The following TRPV3 variants were observed in gnomAD, a reference collection of about 807,000 sequenced individuals.
TRPV3 encodes the protein VRL-3.
In TRPV3, 88 loss-of-function variants were observed where a neutral mutation model predicts 87.1. The ratio of observed to expected loss-of-function variants is 1.01; its 90% CI spans 0.85 to 1.21. The LOEUF is 1.21. Among genes scored for constraint, TRPV3 ranks in the 50% most tolerant of loss-of-function variants. The pLI is 0.00. For missense variants in TRPV3, 1,054 were observed against 1,030.1 expected (o/e 1.02, Z -0.32); for synonymous variants, 438 against 423.3 (o/e 1.03, Z -0.43).
chr17:3,552,043 C>A (rs1319466519), intron 2 of TRPV3, among the ~76,000 whole-genome samples: 1 of 150,414 alleles, frequency 6.6e-6, no homozygotes. Flanking sequence ...CCACAGCATC[C>A]AGCTAATTTT....
Position 3,535,715 on chromosome 17 carries a change from T to C in TRPV3, c.644-2A>G. 2 of 1,513,298 alleles carry C rather than the reference T, an allele frequency of 1.3e-6. No homozygotes were observed. The highest frequency in any genetic ancestry group is 1.8e-6 in the Non-Finnish European group (2 of 1,133,342). The allele number at this position is 1,513,298 out of a possible 1,614,324, so 93.7% of individuals were successfully genotyped here. A position where few individuals can be genotyped will look rare whatever the true frequency, so the allele number is the denominator to read the frequency against. Reference sequence around the variant, plus strand: ...TGGCGATGTTCAGCGCCGTCTGCCCTGCGGAGCGGGCGGGGACGCGCGGGA... The same window carrying C: ...TGGCGATGTTCAGCGCCGTCTGCCCCGCGGAGCGGGCGGGGACGCGCGGGA... On this transcript the variant is annotated splice_acceptor_variant, in intron 6 of 17. Transcript: ENST00000576742. LOFTEE classifies it high-confidence loss of function.
At chr17:3,536,650 A>G (rs1489621729) in intron 6 of TRPV3, among the ~76,000 whole-genome samples, 1 of 152,216 alleles carries the variant, frequency 6.6e-6, no homozygotes, top group Admixed American at 6.5e-5. Context: ...TGGAGGGCAC[A>G]TGAAGGGTGG....
At chr17:3,527,137 CA>C in intron 11 of TRPV3, among the ~76,000 whole-genome samples, 1 of 152,140 alleles carries the variant, frequency 6.6e-6, no homozygotes, top group East Asian at 1.9e-4. Context: ...CAAATCTTCT[CA>C]CCTCCCTCAC....
At chr17:3,514,251 G>A in intron 17 of TRPV3, 1 of 480,122 alleles carries the variant, frequency 2.1e-6, no homozygotes. Flanking sequence ...GCTAATTTTT[G>A]TATCTTTAGT....
chr17:3,524,330 G>A lies in TRPV3; in HGVS notation c.1611C>T (p.Val537=). The A allele has an allele frequency of 6.2e-7, 1 of 1,614,246 alleles. No homozygotes were observed. Among genetic ancestry groups the A allele is most frequent in the Non-Finnish European group, 8.5e-7 (1 of 1,180,046 alleles). Residue 537 remains valine, a synonymous_variant, in exon 13 of 18, where the codon GTC becomes GTT. Coordinates refer to ENST00000576742, the MANE Select transcript of TRPV3 (RefSeq NM_145068.4). The part of the protein sequence containing the change: ...FIQAVLVILS[V]FLYLFAYKEY... ...CTTTGTAGGCAAACAAGTACAAGAA[G>A]ACAGACAGTATCACAAGCACAGCTT...
chr17:3,554,189 G>C (rs2074605258), intron 2 of TRPV3: 1 of 152,712 alleles, frequency 6.5e-6, no homozygotes, highest in Non-Finnish European at 1.5e-5. Flanking sequence ...GCTGAGCGCT[G>C]ACCGCGTGCC....
At chr17:3,554,606 G>T in intron 2 of TRPV3, 126 bp downstream of exon 2, 2 of 688,868 alleles carry the variant, frequency 2.9e-6, no homozygotes, top group East Asian at 2.6e-5. Flanking sequence ...GCCGGGCACC[G>T]GGCCACCCCG....
At chr17:3,539,544 C>G (rs1406781287) in intron 6 of TRPV3, 1 of 152,104 alleles carries the variant, frequency 6.6e-6, no homozygotes, top group African/African-American at 2.4e-5. Context: ...CCCAGCTACT[C>G]GGGAGGCTGA....
At chr17:3,538,638 G>A (rs567017937) in intron 6 of TRPV3, among the ~76,000 whole-genome samples, 131 of 151,896 alleles carry the variant, frequency 8.6e-4, no homozygotes, top group East Asian at 1.9e-4. Flanking sequence ...AGGCTGGAGT[G>A]CAGTGGCGCG....
At chr17:3,519,509 A>G (rs1401781954) in intron 14 of TRPV3, among the ~76,000 whole-genome samples, 26 of 70,704 alleles carry the variant, frequency 3.7e-4, no homozygotes, top group South Asian at 1.1e-3. Context: ...TGGATGGGTG[A>G]TTAGATGGAT....
At chr17:3,519,904 AGATG>A (rs59068738) in intron 14 of TRPV3, among the ~76,000 whole-genome samples, 39,408 of 112,966 alleles carry the variant, frequency 0.35, 6,439 homozygotes, top group East Asian at 0.49. Flanking sequence ...ATGGATGATT[AGATG>A]GATGGATGGA....
chr17:3,519,005 G>C (rs1398633901), intron 14 of TRPV3, among the ~76,000 whole-genome samples, 155 bp from the exon 15 acceptor site: 2 of 152,178 alleles, frequency 1.3e-5, no homozygotes, highest in African/African-American at 2.4e-5. Context: ...GCCTCATCAG[G>C]CTGGCTTCTC....
chr17:3,540,345 G>A (rs867017988), intron 6 of TRPV3, among the ~76,000 whole-genome samples: 56 of 151,982 alleles, frequency 3.7e-4, no homozygotes, highest in African/African-American at 1.3e-3. Context: ...TGGTGGGGTT[G>A]GTTTCCAGGA....
intron 8 of TRPV3, among the ~76,000 whole-genome samples, chr17:3,532,026 G>C (rs2074353431): frequency 6.6e-6 from 1 of 152,188 alleles, no homozygotes; most frequent in African/African-American, 2.4e-5. Flanking sequence ...AACACGCTTG[G>C]ACCCCAGAAT....
intron 14 of TRPV3, among the ~76,000 whole-genome samples, chr17:3,519,934 A>ATGGG (rs2074230926): frequency 6.9e-6 from 1 of 145,036 alleles, no homozygotes; most frequent in South Asian, 2.3e-4. Context: ...GGATGGATGG[A>ATGGG]TAGATGGATA....
In TRPV3 at chr17:3,513,909, T is replaced by C; in HGVS notation, c.*8A>G. On this transcript the variant is annotated 3_prime_UTR_variant, in exon 18 of 18. Transcript: ENST00000576742. ...AGCGCACGCGCACACCAGCTCTGGG[T>C]TCCGCTTCTACACCGAGGTTTCCGG... 6.2e-7 allele frequency: 1 copy of C among 1,612,988 alleles called. No individual in the cohort carries two copies. The highest frequency in any genetic ancestry group is 8.5e-7 in the Non-Finnish European group (1 of 1,178,988).
In TRPV3 at chr17:3,523,277, T is replaced by G. The variant is rs143774521; in HGVS notation, c.1743+921A>C. On this transcript the variant is annotated intron_variant, in intron 13 of 17. Coordinates refer to ENST00000576742, the MANE Select transcript of TRPV3 (RefSeq NM_145068.4). ...TCAGCAAAGAAGTTGCTCACATCATTGATAAACAAGTAAAGTTCAACATAA... is the reference window on the plus strand; with the variant it reads ...TCAGCAAAGAAGTTGCTCACATCATGGATAAACAAGTAAAGTTCAACATAA... Among the ~76,000 whole-genome samples, 52 of 152,348 alleles carry G rather than the reference T, an allele frequency of 3.4e-4. No homozygotes were observed. The East Asian group carries it at 9.0e-3, about 27-fold the overall frequency.
At position 3,524,357 on chromosome 17, in the gene TRPV3, G is replaced by T; in HGVS notation, c.1584C>A (p.Ile528=). Residue 528 remains isoleucine (I), a synonymous_variant, in exon 13 of 18, where the codon ATC becomes ATA. Coordinates refer to ENST00000576742, the MANE Select transcript of TRPV3 (RefSeq NM_145068.4). ...SDAWFHFVFF[I]QAVLVILSVF... ...CAGACAGTATCACAAGCACAGCTTG[G>T]ATAAAACTGTTCAGGAGACACAGGA... The T allele has an allele frequency of 6.2e-7, 1 of 1,614,166 alleles. No individual in the cohort carries two copies. Among genetic ancestry groups the T allele is most frequent in the Non-Finnish European group, 8.5e-7 (1 of 1,180,026 alleles).
rs377551706 is a variant in TRPV3 at position 3,528,225 on chromosome 17, G to A, written c.1402-99C>T. 435 of 845,750 alleles carry A rather than the reference G, an allele frequency of 5.1e-4. 4 individuals carry two copies. In the African/African-American group the frequency reaches 5.7e-3, roughly 11 times the overall value. The allele number at this position is 845,750 out of a possible 1,614,324, so 52.4% of individuals were successfully genotyped here. ...AAAACCCAGGTGAAACACTCAAGCC[G>A]GGCCAGAGACCAGCATGAAACCTGA... On this transcript the variant is annotated intron_variant, in intron 10 of 17. Transcript: ENST00000576742. This position sits in a 1 kb window ranked among gnomAD's most constrained non-coding sequence, Gnocchi z 4.2.
Sources: allele counts gnomAD v4.1 joint callset (sites outside exome capture counted in the v4.1 genomes callset), GRCh38; gene constraint gnomAD v4.1.1; non-coding constraint Gnocchi (gnomAD v3.1); transcripts MANE v1.5; gene names NCBI Gene and HGNC (gene_info 2026-07-23, HGNC 2026-07-21).